THSD7B: variants seen among roughly 807,000 people sequenced by gnomAD.
The protein encoded by THSD7B is thrombospondin type-1 domain-containing protein 7B.
A neutral mutation model predicts 213.6 loss-of-function variants in THSD7B; 138 were observed. The observed-to-expected ratio is 0.65, with a 90% CI of 0.56 to 0.74. The LOEUF is 0.74. Ranked by LOEUF, THSD7B falls within the 30% of genes least tolerant of loss-of-function variation. The probability of loss-of-function intolerance (pLI) is 0.00; values close to 1 mark genes in which losing one functional copy is unlikely to be tolerated. For synonymous variants in THSD7B, 742 were observed against 687.0 expected, an observed-to-expected ratio of 1.08 and a Z score of -1.25; for missense variants, 1,931 against 1,991.5, an observed-to-expected ratio of 0.97 and a Z score of 0.58.
At chr2:136,825,917 A>G (rs1417181804) in intron 1 of THSD7B, among the ~76,000 whole-genome samples, 3 of 151,960 alleles carry the variant, frequency 2.0e-5, no homozygotes, top group Non-Finnish European at 4.4e-5. Flanking sequence ...TTAAATGAAA[A>G]TAATCTCTCC....
At chr2:137,194,783 C>G (rs543603368) in intron 7 of THSD7B, among the ~76,000 whole-genome samples, 1 of 152,276 alleles carries the variant, frequency 6.6e-6, no homozygotes, top group African/African-American at 2.4e-5. Context: ...GCTTGCTACT[C>G]TATTGAATTA....
In THSD7B at chr2:137,444,518, C is replaced by T. The variant is rs1417630760; in HGVS notation, c.2960-6327C>T. Among the ~76,000 whole-genome samples the T allele has an allele frequency of 4.0e-5, 6 of 151,554 alleles. No individual in the cohort carries two copies. In the East Asian group the frequency reaches 1.2e-3, roughly 29 times the overall value. ...CATTTTTACTAGATAAATAGAAAAA[C>T]AATTATATTCTCATAGTACTAAAAT... On this transcript the variant is annotated intron_variant, in intron 14 of 27. Coordinates refer to ENST00000409968, the MANE Select transcript of THSD7B (RefSeq NM_001316349.2).
In THSD7B at chr2:137,139,200, C is replaced by T. The variant is rs139113540; in HGVS notation, c.1370-21013C>T. Among the ~76,000 whole-genome samples, 668 of 152,228 alleles carry T rather than the reference C, an allele frequency of 4.4e-3. 4 individuals are homozygous for T. Among genetic ancestry groups the T allele is most frequent in the African/African-American group, 0.015 (640 of 41,552 alleles). ...TAACTGCTGTGTTAATATGCAGCCTCTACTGTATGGACATGTTACTGCTGA... is the reference window on the plus strand; with the variant it reads ...TAACTGCTGTGTTAATATGCAGCCTTTACTGTATGGACATGTTACTGCTGA... On this transcript the variant is annotated intron_variant, in intron 5 of 27. Transcript: ENST00000409968.
chr2:137,151,804 A>T (rs568037236), intron 5 of THSD7B, among the ~76,000 whole-genome samples: 1 of 152,266 alleles, frequency 6.6e-6, no homozygotes, highest in South Asian at 2.1e-4. Context: ...TAATGCATTG[A>T]TTGCACTATG....
intron 12 of THSD7B, among the ~76,000 whole-genome samples, chr2:137,383,273 A>C (rs780290991): frequency 1.3e-5 from 2 of 152,212 alleles, no homozygotes; most frequent in Non-Finnish European, 2.9e-5. Context: ...GTATAAAGCA[A>C]CATTGGGGTA....
chr2:137,068,095 G>T (rs1315683872), intron 3 of THSD7B, among the ~76,000 whole-genome samples: 1 of 151,986 alleles, frequency 6.6e-6, no homozygotes, highest in Admixed American at 6.6e-5. Flanking sequence ...TATATGCCTT[G>T]CCTACTTTGG....
In THSD7B at chr2:137,056,548, G is replaced by C. The variant is rs752809070; in HGVS notation, c.268G>C (p.Glu90Gln). ...NCGESNRPPK[E>Q]RSCFRVCDWH... ...TGGTGAGAGCAACAGGCCTCCAAAG[G>C]AAAGAAGTTGTTTCCGAGTTTGTGA... Residue 90 changes from glutamate to glutamine, a missense_variant, in exon 3 of 28, where the codon GAA becomes CAA. Transcript: ENST00000409968. 3 of 1,613,920 alleles carry C rather than the reference G, an allele frequency of 1.9e-6. No homozygotes were observed. Among genetic ancestry groups the C allele is most frequent in the Non-Finnish European group, 2.5e-6 (3 of 1,179,872 alleles).
chr2:136,792,599 C>T (rs934477393), intron 1 of THSD7B, among the ~76,000 whole-genome samples: 1 of 151,912 alleles, frequency 6.6e-6, no homozygotes, highest in Non-Finnish European at 1.5e-5. Flanking sequence ...GGAGGCTGTG[C>T]TGATGGGGAG....
intron 1 of THSD7B, among the ~76,000 whole-genome samples, chr2:136,825,440 TC>T (rs1682629975): frequency 1.3e-5 from 2 of 152,172 alleles, no homozygotes; most frequent in African/African-American, 4.8e-5. Flanking sequence ...CAGCTTGCGT[TC>T]CTTGGCTTAT....
chr2:137,175,893 C>A (rs1225489607), intron 7 of THSD7B, among the ~76,000 whole-genome samples: 1 of 152,126 alleles, frequency 6.6e-6, no homozygotes, highest in Non-Finnish European at 1.5e-5. Flanking sequence ...ACTCCAGACT[C>A]CATTCAAATA....
intron 2 of THSD7B, among the ~76,000 whole-genome samples, chr2:137,035,119 CT>C (rs1333925086): frequency 6.6e-6 from 1 of 152,176 alleles, no homozygotes; most frequent in African/African-American, 2.4e-5. Flanking sequence ...GCTAATTGGT[CT>C]CAGAAGTCTG....
chr2:136,921,033 C>T (rs927369721), intron 2 of THSD7B, among the ~76,000 whole-genome samples: 2 of 152,038 alleles, frequency 1.3e-5, no homozygotes, highest in African/African-American at 4.8e-5. Flanking sequence ...GAGCTGAACT[C>T]GGCATCAGCA....
At chr2:137,673,833 T>A (rs2104833298) in intron 27 of THSD7B, among the ~76,000 whole-genome samples, 1 of 152,274 alleles carries the variant, frequency 6.6e-6, no homozygotes, top group South Asian at 2.1e-4. Flanking sequence ...TTCTCAGATC[T>A]CATGTATTCG....
chr2:137,383,836 C>T (rs1252666906), intron 12 of THSD7B, among the ~76,000 whole-genome samples: 1 of 152,166 alleles, frequency 6.6e-6, no homozygotes, highest in Non-Finnish European at 1.5e-5. Flanking sequence ...ACCAACACCC[C>T]TCAGACCTCA....
chr2:136,925,183 G>T (rs1179305778), intron 2 of THSD7B, among the ~76,000 whole-genome samples: 1 of 152,028 alleles, frequency 6.6e-6, no homozygotes. Flanking sequence ...TCTTGTTCTT[G>T]CTCTGGCTAG....
intron 12 of THSD7B, among the ~76,000 whole-genome samples, chr2:137,348,374 C>T (rs1684925896): frequency 6.6e-6 from 1 of 151,670 alleles, no homozygotes. Flanking sequence ...TGTGTTTTCT[C>T]TGGTTTTTGA....
At chr2:137,131,935 A>G (rs1333669831) in intron 5 of THSD7B, among the ~76,000 whole-genome samples, 1 of 151,718 alleles carries the variant, frequency 6.6e-6, no homozygotes, top group African/African-American at 2.4e-5. Context: ...TAGTAGCTTG[A>G]TGGGGATGGC....
At chr2:137,619,325 A>C (rs1682469739) in intron 19 of THSD7B, among the ~76,000 whole-genome samples, 1 of 152,242 alleles carries the variant, frequency 6.6e-6, no homozygotes, top group South Asian at 2.1e-4. Flanking sequence ...GGTGGAATAC[A>C]TCAGTGGGAA....
At position 137,424,868 on chromosome 2, in the gene THSD7B, G is replaced by A. The variant is rs568223068; in HGVS notation, c.2959+12996G>A. 6.6e-5 allele frequency among the ~76,000 whole-genome samples: 10 copies of A among 152,018 alleles called. No individual in the cohort carries two copies. The South Asian group carries it at 8.3e-4, about 13-fold the overall frequency. ...AGGCAGATCACAAAGTCGGCAGATC[G>A]AGACCATCCTGGCTAAGACGGTGAA... On this transcript the variant is annotated intron_variant, in intron 14 of 27. Transcript: ENST00000409968.
Sources: allele counts gnomAD v4.1 joint callset (sites outside exome capture counted in the v4.1 genomes callset), GRCh38; gene constraint gnomAD v4.1.1; transcripts MANE v1.5; gene names NCBI Gene and HGNC (gene_info 2026-07-23, HGNC 2026-07-21).